Variants in EXOSC8 observed in about 807,000 individuals in gnomAD.
EXOSC8 encodes the protein exosome component 8, also known as exosome complex component RRP43.
EXOSC8 carries 37 observed loss-of-function variants against 39.9 expected under a neutral mutation model. That is an observed-to-expected ratio of 0.93 (90% confidence interval 0.71 to 1.22). The LOEUF (loss-of-function observed/expected upper bound fraction) is 1.22. Among genes scored for constraint, EXOSC8 ranks in the 50% most tolerant of loss-of-function variants. The pLI, the probability that EXOSC8 is intolerant of heterozygous loss-of-function variation, is 0.00. For synonymous variants in EXOSC8, 93 were observed against 109.5 expected (o/e 0.85, Z 0.94); for missense variants, 313 against 326.6 (o/e 0.96, Z 0.32).
intron 9 of EXOSC8, among the ~76,000 whole-genome samples, chr13:37,008,516 G>A (rs1437751319): frequency 6.6e-6 from 1 of 152,222 alleles, no homozygotes; most frequent in Non-Finnish European, 1.5e-5. Context: ...AGCACTTTGG[G>A]AGGCTGAGGC....
At position 37,002,320 on chromosome 13, in the gene EXOSC8, G is replaced by GT; in HGVS notation, c.54+13dup. 1 of 1,601,216 alleles carries GT rather than the reference G, an allele frequency of 6.2e-7. No individual in the cohort carries two copies. On this transcript the variant is annotated intron_variant, in intron 2 of 10. Coordinates refer to ENST00000389704, the MANE Select transcript of EXOSC8 (RefSeq NM_181503.3). ...TACAGGAGATTTCTGGTGAGTAAAG[G>GT]TTATGTACATGTTATGCGTTTTGAT... is the stretch of plus-strand genomic sequence containing the variant.
intron 2 of EXOSC8, 77 bp downstream of exon 2, chr13:37,002,386 T>C: frequency 1.4e-6 from 2 of 1,419,026 alleles, no homozygotes; most frequent in African/African-American, 2.8e-5. Flanking sequence ...TAATTTAAAT[T>C]AATCCATTTG....
intron 8 of EXOSC8, 36 bp from the exon 9 acceptor site, chr13:37,008,021 G>T: frequency 6.8e-7 from 1 of 1,459,856 alleles, no homozygotes; most frequent in Non-Finnish European, 9.4e-7. Context: ...TTGTTTCTTA[G>T]AGACTTACTT....
At chr13:37,008,241 A>C (rs2059164799) in intron 9 of EXOSC8, 64 bp downstream of exon 9, 2 of 1,353,990 alleles carry the variant, frequency 1.5e-6, no homozygotes, top group East Asian at 4.6e-5. Context: ...GATGTTCAGC[A>C]TTCTAACTCT....
intron 3 of EXOSC8, 65 bp from the exon 4 acceptor site, chr13:37,002,866 AATT>A (rs1305133688): frequency 6.7e-6 from 7 of 1,049,698 alleles, no homozygotes; most frequent in Non-Finnish European, 8.9e-6. Flanking sequence ...ACTTAATTTT[AATT>A]ATTATGTGGA....
At chr13:37,006,255 A>AAAGTAGCTTTAAAT (rs1157653648) in intron 7 of EXOSC8, 95 bp downstream of exon 7, 12 of 778,746 alleles carry the variant, frequency 1.5e-5, no homozygotes, top group Non-Finnish European at 2.3e-5. Context: ...ACCACCAATC[A>AAAGTAGCTTTAAAT]AAGTAGCTTT....
chr13:37,003,105 T>C, intron 4 of EXOSC8, 98 bp downstream of exon 4: 1 of 727,518 alleles, frequency 1.4e-6, no homozygotes, highest in Non-Finnish European at 2.3e-6. Flanking sequence ...GATTTGGTAG[T>C]TGGGTGTCAA....
chr13:37,004,340 T>C (rs1196201471), intron 4 of EXOSC8, 176 bp from the exon 5 acceptor site: 12 of 579,176 alleles, frequency 2.1e-5, no homozygotes, highest in South Asian at 4.5e-5. Context: ...TCCACTGTAC[T>C]GTAGTGCCTT....
rs1426626251 is a variant in EXOSC8 at position 37,008,070 on chromosome 13, A to G, written c.501A>G (p.Glu167=). 1 of 1,595,018 alleles carries G rather than the reference A, an allele frequency of 6.3e-7. No homozygotes were observed. Among genetic ancestry groups the G allele is most frequent in the African/African-American group, 1.4e-5 (1 of 73,864 alleles). Residue 167 remains glutamate (E), a synonymous_variant, in exon 9 of 11, where the codon GAA becomes GAG. Coordinates refer to ENST00000389704, the MANE Select transcript of EXOSC8 (RefSeq NM_181503.3). The part of the protein sequence containing the change: ...LAALKNVQLP[E]VTINEETALA... ...GCCTTTTCTTAGTACAGTTGCCTGA[A>G]GTTACTATAAATGAAGAAACTGCTT... is the stretch of plus-strand genomic sequence containing the variant.
intron 8 of EXOSC8, among the ~76,000 whole-genome samples, chr13:37,007,707 C>T (rs1177310103): frequency 6.6e-6 from 1 of 151,930 alleles, no homozygotes; most frequent in East Asian, 1.9e-4. Flanking sequence ...GTTTCCTTAT[C>T]TATAATAAAA....
intron 8 of EXOSC8, among the ~76,000 whole-genome samples, chr13:37,007,669 A>AT (rs2059152700): frequency 6.6e-6 from 1 of 152,216 alleles, no homozygotes; most frequent in Non-Finnish European, 1.5e-5. Context: ...GTTAAAGTAG[A>AT]TTCCTGGCTC....
In EXOSC8 at chr13:37,009,326, T is replaced by C; in HGVS notation, c.*27T>C. 1.6e-6 allele frequency: 2 copies of C among 1,282,700 alleles called. No individual in the cohort carries two copies. The highest frequency in any genetic ancestry group is 2.3e-6 in the Non-Finnish European group (2 of 887,680). 79.5% of individuals were successfully genotyped at this position (1,282,700 alleles called of 1,614,324 possible). ...CAGCCACCACATTTTCAAAACAGAT[T>C]TGTAAAAATTGTATTTGTTAACACT... On this transcript the variant is annotated 3_prime_UTR_variant, in exon 11 of 11. Transcript: ENST00000389704.
rs568516753 is a variant in EXOSC8 at position 37,008,973 on chromosome 13, C to T, written c.715+138C>T. On this transcript the variant is annotated intron_variant, in intron 10 of 10. Coordinates refer to ENST00000389704, the MANE Select transcript of EXOSC8 (RefSeq NM_181503.3). ...TAGTTTCTTAGCTACCTAAAATGTT[C>T]TTCCATCTTAATGGTATATGTCAGT... 15 of 732,778 alleles carry T rather than the reference C, an allele frequency of 2.0e-5. No individual in the cohort carries two copies. In the South Asian group the frequency reaches 2.4e-4, roughly 12 times the overall value. 45.4% of individuals were successfully genotyped at this position (732,778 alleles called of 1,614,324 possible). A position where few individuals can be genotyped will look rare whatever the true frequency, so the allele number is the denominator to read the frequency against.
intron 1 of EXOSC8, among the ~76,000 whole-genome samples, 188 bp from the exon 2 acceptor site, chr13:37,002,085 A>G (rs2059109795): frequency 6.6e-6 from 1 of 152,214 alleles, no homozygotes; most frequent in Admixed American, 6.5e-5. Context: ...CTAATCGTTT[A>G]TGGCAGAGTT....
chr13:37,008,249 T>C, intron 9 of EXOSC8, 72 bp downstream of exon 9: 1 of 1,298,638 alleles, frequency 7.7e-7, no homozygotes, highest in South Asian at 1.3e-5. Context: ...GCATTCTAAC[T>C]CTTTAGGAAG....
At chr13:37,008,400 T>C (rs2059167788) in intron 9 of EXOSC8, among the ~76,000 whole-genome samples, 1 of 152,208 alleles carries the variant, frequency 6.6e-6, no homozygotes, top group Non-Finnish European at 1.5e-5. Context: ...TCCAATTCTT[T>C]CACTATAAGA....
Position 37,000,827 on chromosome 13 carries a change from G to C in EXOSC8, c.17+5G>C. On this transcript the variant is annotated splice_donor_5th_base_variant and intron_variant, in intron 1 of 10. Transcript: ENST00000389704. ...GAAGATGGCGGCTGGGTTCAAGTGA[G>C]TGTTGGCGGGTGGCGGGTAGAGTTC... 6.4e-7 allele frequency: 1 copy of C among 1,572,946 alleles called. No individual in the cohort carries two copies. The highest frequency in any genetic ancestry group is 8.6e-7 in the Non-Finnish European group (1 of 1,159,728).
Position 37,000,796 on chromosome 13 carries a change from G to A in EXOSC8, c.-10G>A, listed in dbSNP as rs778086919. 3 of 1,580,864 alleles carry A rather than the reference G, an allele frequency of 1.9e-6. No homozygotes were observed. The highest frequency in any genetic ancestry group is 1.8e-5 in the Admixed American group (1 of 55,224). On this transcript the variant is annotated 5_prime_UTR_variant, in exon 1 of 11. Transcript: ENST00000389704. Reference sequence around the variant, plus strand: ...AGGAGCGGCGCAGGCGCAGACGCGCGGGCGGGAAGATGGCGGCTGGGTTCA... The same window carrying A: ...AGGAGCGGCGCAGGCGCAGACGCGCAGGCGGGAAGATGGCGGCTGGGTTCA...
At chr13:37,007,147 T>C (rs1250998969) in intron 8 of EXOSC8, 76 bp downstream of exon 8, 8 of 911,480 alleles carry the variant, frequency 8.8e-6, no homozygotes, top group Non-Finnish European at 1.5e-5. Flanking sequence ...TTAATGTACA[T>C]TTGCTTTCGT....
Sources: allele counts gnomAD v4.1 joint callset (sites outside exome capture counted in the v4.1 genomes callset), GRCh38; gene constraint gnomAD v4.1.1; transcripts MANE v1.5; gene names NCBI Gene and HGNC (gene_info 2026-07-23, HGNC 2026-07-21).